The following SYT1 variants were observed in gnomAD, a reference collection of about 807,000 sequenced individuals.
SYT1 encodes the protein synaptotagmin 1, also known as synaptotagmin-1.
Under a neutral mutation model 44.8 loss-of-function variants are expected in SYT1, and 8 were observed. The observed-to-expected ratio is 0.18, with a 90% confidence interval of 0.10 to 0.32. The LOEUF is 0.32. Among genes scored for constraint, SYT1 ranks in the 10% least tolerant of loss-of-function variants. The probability of loss-of-function intolerance (pLI) is 1.00; values close to 1 mark genes in which losing one functional copy is unlikely to be tolerated. For missense variants in SYT1, 286 were observed against 509.3 expected (o/e 0.56, Z 4.22); for synonymous variants, 154 against 188.8 (o/e 0.82, Z 1.51).
intron 8 of SYT1, among the ~76,000 whole-genome samples, chr12:79,347,031 TTTG>T (rs1882639445): frequency 1.3e-5 from 2 of 149,784 alleles, no homozygotes; most frequent in Non-Finnish European, 2.9e-5. Context: ...TGTTTGTGTG[TTTG>T]TTTTTTCTTT....
chr12:78,932,742 G>C (rs1184300569), intron 1 of SYT1, among the ~76,000 whole-genome samples: 1 of 151,996 alleles, frequency 6.6e-6, no homozygotes, highest in African/African-American at 2.4e-5. Context: ...TTTAACTCTT[G>C]TCAATTTGTA....
intron 3 of SYT1, among the ~76,000 whole-genome samples, chr12:79,174,121 A>C (rs1407152296): frequency 6.6e-6 from 1 of 152,080 alleles, no homozygotes; most frequent in African/African-American, 2.4e-5. Context: ...CCCACACTAT[A>C]ATTATGAAAA....
rs1016929162 is a variant in SYT1 at position 79,249,129 on chromosome 12, G to C, written c.166+31444G>C. The stretch of plus-strand genomic sequence containing the variant: ...TTTTTTTTTTTTGAGACGGAGTCTC[G>C]CTCTGTCGCCCAGGCCGGACTGCGG... On this transcript the variant is annotated intron_variant, in intron 4 of 10. Coordinates refer to ENST00000261205, the MANE Select transcript of SYT1 (RefSeq NM_005639.3). 3.6e-5 allele frequency among the ~76,000 whole-genome samples: 4 copies of C among 110,154 alleles called. No homozygotes were observed. In the East Asian group the frequency reaches 1.1e-3, roughly 30 times the overall value. 72.3% of individuals were successfully genotyped at this position (110,154 alleles called of 152,430 possible). A position where few individuals can be genotyped will look rare whatever the true frequency, so the allele number is the denominator to read the frequency against.
chr12:79,057,995 A>G (rs1875093995), intron 3 of SYT1, among the ~76,000 whole-genome samples: 1 of 152,068 alleles, frequency 6.6e-6, no homozygotes, highest in Non-Finnish European at 1.5e-5. Context: ...GCCTAGTAAC[A>G]TAATTCCAGA....
At chr12:79,377,909 C>G (rs759758351) in intron 9 of SYT1, among the ~76,000 whole-genome samples, 3 of 152,096 alleles carry the variant, frequency 2.0e-5, no homozygotes, top group Admixed American at 6.5e-5. Flanking sequence ...GTTAGTCCAC[C>G]AAAATTATAT....
chr12:79,398,930 C>A (rs777992501), intron 9 of SYT1, among the ~76,000 whole-genome samples: 2 of 152,096 alleles, frequency 1.3e-5, no homozygotes, highest in Non-Finnish European at 2.9e-5. Flanking sequence ...CTTCTCCAAC[C>A]CCTGCTCCAA....
chr12:79,430,631 A>G (rs979998407), intron 9 of SYT1, among the ~76,000 whole-genome samples: 1 of 152,132 alleles, frequency 6.6e-6, no homozygotes, highest in African/African-American at 2.4e-5. Context: ...ACTAAAAATC[A>G]AAAGAATTAG....
chr12:78,902,284 G>A (rs1323330561), intron 1 of SYT1, among the ~76,000 whole-genome samples: 1 of 151,354 alleles, frequency 6.6e-6, no homozygotes, highest in Non-Finnish European at 1.5e-5. Context: ...GTGTAACTAT[G>A]CCCACTGATT....
chr12:79,029,210 T>C (rs1872698593), intron 2 of SYT1, among the ~76,000 whole-genome samples: 1 of 151,184 alleles, frequency 6.6e-6, no homozygotes. Flanking sequence ...GTTTTTGTTT[T>C]ATAGCCTTTG....
At chr12:78,902,151 C>T (rs946061993) in intron 1 of SYT1, among the ~76,000 whole-genome samples, 28 of 151,642 alleles carry the variant, frequency 1.8e-4, no homozygotes, top group African/African-American at 6.8e-4. Context: ...CAAACCTGCA[C>T]GTTCTGCACA....
intron 1 of SYT1, among the ~76,000 whole-genome samples, chr12:78,925,757 T>C (rs1007401815): frequency 3.3e-5 from 5 of 152,010 alleles, no homozygotes; most frequent in Non-Finnish European, 5.9e-5. Flanking sequence ...GCTTTTTCTA[T>C]GTTCAATTAC....
In SYT1 at chr12:79,225,343, C is replaced by T. The variant is rs971347407; in HGVS notation, c.166+7658C>T. 5.9e-5 allele frequency among the ~76,000 whole-genome samples: 9 copies of T among 152,294 alleles called. No homozygotes were observed. In the South Asian group the frequency reaches 1.9e-3, roughly 32 times the overall value. ...AAGAAGTTCAAGTTGATCTAAGACA[C>T]ACACTTAGCACAGTTGTCAGTAATT... On this transcript the variant is annotated intron_variant, in intron 4 of 10. Coordinates refer to ENST00000261205, the MANE Select transcript of SYT1 (RefSeq NM_005639.3).
Position 78,977,777 on chromosome 12 carries a change from CTAT to C in SYT1, c.-216-17_-216-15del, listed in dbSNP as rs1868956148. 1.3e-5 allele frequency: 2 copies of C among 152,182 alleles called. No homozygotes were observed. The highest frequency in any genetic ancestry group is 6.6e-5 in the Admixed American group (1 of 15,264). 9.4% of individuals were successfully genotyped at this position (152,182 alleles called of 1,614,324 possible). A position where few individuals can be genotyped will look rare whatever the true frequency, so the allele number is the denominator to read the frequency against. On this transcript the variant is annotated intron_variant, in intron 1 of 10. Coordinates refer to ENST00000261205, the MANE Select transcript of SYT1 (RefSeq NM_005639.3). ...TTGCAGGCTAGCATTTTCACAGATT[CTAT>C]TATTCTCTCTCTCTCAAGGGAAAAC...
chr12:79,403,595 G>A (rs1885144825), intron 9 of SYT1, among the ~76,000 whole-genome samples: 1 of 152,034 alleles, frequency 6.6e-6, no homozygotes, highest in South Asian at 2.1e-4. Context: ...TGAATTTAAG[G>A]GGACACAATT....
intron 1 of SYT1, among the ~76,000 whole-genome samples, chr12:78,934,583 T>A (rs1182960467): frequency 6.6e-6 from 1 of 151,972 alleles, no homozygotes; most frequent in Non-Finnish European, 1.5e-5. Context: ...AAAAAACACT[T>A]GTCTTACATC....
chr12:78,889,515 G>A (rs894919724), intron 1 of SYT1, among the ~76,000 whole-genome samples: 3 of 151,936 alleles, frequency 2.0e-5, no homozygotes, highest in Admixed American at 2.0e-4. Flanking sequence ...GAATAACTGA[G>A]ACTTTGTCTG....
At chr12:79,156,908 C>G (rs142775677) in intron 3 of SYT1, among the ~76,000 whole-genome samples, 121 of 152,266 alleles carry the variant, frequency 7.9e-4, no homozygotes, top group African/African-American at 2.9e-3. Flanking sequence ...TTGTCACAAG[C>G]AAACACTTCC....
intron 4 of SYT1, among the ~76,000 whole-genome samples, chr12:79,245,951 G>A (rs991683424): frequency 5.9e-5 from 9 of 151,938 alleles, no homozygotes; most frequent in Non-Finnish European, 7.4e-5. Context: ...ATTGAGATAC[G>A]TGGAAAGATC....
At chr12:79,179,107 TAG>T (rs1565841264) in intron 3 of SYT1, among the ~76,000 whole-genome samples, 12 of 119,688 alleles carry the variant, frequency 1.0e-4, no homozygotes, top group African/African-American at 4.1e-4. Flanking sequence ...TATAGATATA[TAG>T]ATATAGATAT....
Sources: allele counts gnomAD v4.1 joint callset (sites outside exome capture counted in the v4.1 genomes callset), GRCh38; gene constraint gnomAD v4.1.1; transcripts MANE v1.5; gene names NCBI Gene and HGNC (gene_info 2026-07-23, HGNC 2026-07-21).